Variants in REPS2 observed in about 807,000 individuals in gnomAD.
The protein encoded by REPS2 is RALBP1 associated Eps domain containing 2, also known as ralBP1-associated Eps domain-containing protein 2.
In REPS2, 23 loss-of-function variants were observed where a neutral mutation model predicts 53.6. The ratio of observed to expected loss-of-function variants is 0.43; its 90% CI spans 0.31 to 0.61. The LOEUF (loss-of-function observed/expected upper bound fraction) is 0.61. REPS2 is among the 20% of genes least tolerant of loss of function. The pLI is 0.11. For missense variants in REPS2, 446 were observed against 534.9 expected, an observed-to-expected ratio of 0.83 and a Z score of 1.64; for synonymous variants, 238 against 218.6, an observed-to-expected ratio of 1.09 and a Z score of -0.78.
At chrX:17,093,873 C>T (rs1354384326) in intron 13 of REPS2, among the ~76,000 whole-genome samples, 1 of 111,183 alleles carries the variant, frequency 9.0e-6, no homozygotes, top group African/African-American at 3.3e-5. Flanking sequence ...CAACCACAGA[C>T]GTCTTCAATT....
At position 17,054,659 on chromosome X, in the gene REPS2, C is replaced by A; in HGVS notation, c.972-149C>A. The A allele has an allele frequency of 9.9e-6, 5 of 504,008 alleles. No homozygotes were observed. The South Asian group carries it at 1.7e-4, about 17-fold the overall frequency. The allele number at this position is 504,008 out of a possible 1,213,427, so 41.5% of individuals were successfully genotyped here. Reference sequence around the variant, plus strand: ...GCATTTTTCTTCCTCGGAGTGGCCCCCAGAGATTTCAAATGGATTTGGCTA... The same window carrying A: ...GCATTTTTCTTCCTCGGAGTGGCCCACAGAGATTTCAAATGGATTTGGCTA... On this transcript the variant is annotated intron_variant, in intron 7 of 17. Coordinates refer to ENST00000357277, the MANE Select transcript of REPS2 (RefSeq NM_004726.3).
At chrX:17,135,897 T>C in intron 16 of REPS2, 1 of 113,888 alleles carries the variant, frequency 8.8e-6, no homozygotes. Context: ...ACAGAATGGA[T>C]ACATGCAGAA....
chrX:17,029,807 C>T (rs781580973), intron 5 of REPS2, among the ~76,000 whole-genome samples, 184 bp downstream of exon 5: 2 of 112,357 alleles, frequency 1.8e-5, no homozygotes, highest in African/African-American at 6.5e-5. Context: ...CTGTGTATGT[C>T]TCTACGCCTT....
chrX:17,020,883 C>T (rs572874423), intron 2 of REPS2, among the ~76,000 whole-genome samples: 13 of 111,515 alleles, frequency 1.2e-4, no homozygotes, highest in Admixed American at 1.9e-4. Flanking sequence ...CACCCGCCTC[C>T]GCCTCCCAAA....
At chrX:17,073,435 T>C (rs2062335868) in intron 11 of REPS2, among the ~76,000 whole-genome samples, 1 of 112,226 alleles carries the variant, frequency 8.9e-6, no homozygotes, top group African/African-American at 3.2e-5. Context: ...CAACTTGTGA[T>C]GGGGAAGAAG....
intron 6 of REPS2, among the ~76,000 whole-genome samples, chrX:17,051,851 G>C (rs936268132): frequency 1.8e-5 from 2 of 111,638 alleles, no homozygotes. Context: ...AGTTGATACA[G>C]GTAAATCAAC....
chrX:17,160,044 G>C, the REPS2 span, among the ~76,000 whole-genome samples: 1 of 112,349 alleles, frequency 8.9e-6, no homozygotes, highest in Non-Finnish European at 1.9e-5. Flanking sequence ...GAAGTGAAGT[G>C]ACTTACCCAG....
At chrX:17,039,061 G>A (rs1283764681) in intron 5 of REPS2, among the ~76,000 whole-genome samples, 2 of 112,204 alleles carry the variant, frequency 1.8e-5, no homozygotes, top group Admixed American at 1.9e-4. Flanking sequence ...TGCCTTGAGT[G>A]TGAAGGGGAG....
chrX:16,991,395 G>A (rs964263523), intron 1 of REPS2, among the ~76,000 whole-genome samples: 2 of 111,778 alleles, frequency 1.8e-5, no homozygotes, highest in Non-Finnish European at 1.9e-5. Flanking sequence ...GTGTGCCTGC[G>A]TGACCAAGTA....
At chrX:17,063,923 TACACACAC>T (rs3842475) in intron 9 of REPS2, among the ~76,000 whole-genome samples, 1 of 100,311 alleles carries the variant, frequency 1.0e-5, no homozygotes, top group Non-Finnish European at 2.0e-5. Flanking sequence ...GTTTTACTGT[TACACACAC>T]ACACACACAC....
chrX:17,093,166 C>CTATATATATATATATATATATATATATA (rs58530978), intron 13 of REPS2, among the ~76,000 whole-genome samples: 7 of 39,104 alleles, frequency 1.8e-4, no homozygotes, highest in Non-Finnish European at 3.3e-4. Context: ...TGAGTTAATG[C>CTATATATATATATATATATATATATATA]TATATATATA....
chrX:16,966,433 A>G (rs1394151878), intron 1 of REPS2, among the ~76,000 whole-genome samples: 1 of 112,260 alleles, frequency 8.9e-6, no homozygotes. Context: ...ATTTGCGTTT[A>G]CATAATGAGA....
the REPS2 span, among the ~76,000 whole-genome samples, chrX:17,173,011 T>C: frequency 4.6e-5 from 5 of 108,438 alleles, no homozygotes; most frequent in Non-Finnish European, 9.5e-5. Flanking sequence ...GTGTGCATCA[T>C]AGTCCTTTAT....
intron 17 of REPS2, among the ~76,000 whole-genome samples, chrX:17,146,110 G>GAA (rs149334711): frequency 0.024 from 1,842 of 77,012 alleles, 59 homozygotes; most frequent in African/African-American, 0.084. Flanking sequence ...CTCTGTCTCA[G>GAA]AAAAAAAAAA....
chrX:17,177,303 A>G, the REPS2 span, among the ~76,000 whole-genome samples: 2 of 112,094 alleles, frequency 1.8e-5, no homozygotes, highest in East Asian at 2.8e-4. Context: ...GAACGCGAGG[A>G]GGAGTGGTCA....
chrX:16,962,644 GAGT>G (rs768347572), intron 1 of REPS2, among the ~76,000 whole-genome samples: 14 of 111,755 alleles, frequency 1.3e-4, no homozygotes, highest in African/African-American at 4.5e-4. Flanking sequence ...AATGTGCTAA[GAGT>G]AGATTTTAGG....
chrX:17,096,134 T>C (rs1219047766), intron 13 of REPS2, among the ~76,000 whole-genome samples: 1 of 111,828 alleles, frequency 8.9e-6, no homozygotes, highest in Non-Finnish European at 1.9e-5. Flanking sequence ...GCCAAGATTT[T>C]AGTTTAAAGT....
chrX:17,057,870 A>G (rs1438348591), intron 8 of REPS2, among the ~76,000 whole-genome samples: 1 of 112,671 alleles, frequency 8.9e-6, no homozygotes, highest in Non-Finnish European at 1.9e-5. Flanking sequence ...GATTGGAGAC[A>G]CATGGGGCTT....
At chrX:17,113,091 C>CAAAA (rs10567369) in intron 14 of REPS2, among the ~76,000 whole-genome samples, 14 of 13,560 alleles carry the variant, frequency 1.0e-3, no homozygotes, top group African/African-American at 1.2e-3. Flanking sequence ...GACTCTGTCT[C>CAAAA]AAAAAAAAAA....
Sources: allele counts gnomAD v4.1 joint callset (sites outside exome capture counted in the v4.1 genomes callset), GRCh38; gene constraint gnomAD v4.1.1; transcripts MANE v1.5; gene names NCBI Gene and HGNC (gene_info 2026-07-23, HGNC 2026-07-21).